The following HSPG2 variants were observed in gnomAD, a reference collection of about 807,000 sequenced individuals.
The protein encoded by HSPG2 is basement membrane-specific heparan sulfate proteoglycan core protein.
Under a neutral mutation model 526.6 loss-of-function variants are expected in HSPG2, and 278 were observed. The ratio of observed to expected loss-of-function variants is 0.53; its 90% CI spans 0.48 to 0.58. The LOEUF is 0.58. HSPG2 is among the 20% of genes least tolerant of loss of function. HSPG2 has a pLI of 0.00. For missense variants in HSPG2, 5,354 were observed against 6,099.5 expected (o/e 0.88, Z 4.07); for synonymous variants, 2,465 against 2,555.4 (o/e 0.96, Z 1.07).
At chr1:21,933,087 G>A (rs1351153666) in intron 1 of HSPG2, among the ~76,000 whole-genome samples, 2 of 151,490 alleles carry the variant, frequency 1.3e-5, no homozygotes, top group Non-Finnish European at 2.9e-5. Flanking sequence ...AGGTGTAGAG[G>A]AGGGTGTCTG....
chr1:21,849,496 G>C (rs983176257), intron 57 of HSPG2, among the ~76,000 whole-genome samples: 1 of 152,178 alleles, frequency 6.6e-6, no homozygotes, highest in African/African-American at 2.4e-5. Context: ...ACACATTTCA[G>C]TGTCTCCAAA....
intron 1 of HSPG2, among the ~76,000 whole-genome samples, chr1:21,927,765 T>C (rs1245100230): frequency 6.6e-6 from 1 of 152,092 alleles, no homozygotes; most frequent in Non-Finnish European, 1.5e-5. Context: ...GTCCTACAGC[T>C]GCGGCCTCGG....
chr1:21,934,368 C>T (rs896215356), intron 1 of HSPG2, among the ~76,000 whole-genome samples: 16 of 152,226 alleles, frequency 1.1e-4, no homozygotes, highest in Admixed American at 5.9e-4. Flanking sequence ...CAACAAACTC[C>T]TCAACCCCAT....
chr1:21,931,049 A>G (rs553146622), intron 1 of HSPG2, among the ~76,000 whole-genome samples: 7 of 152,264 alleles, frequency 4.6e-5, no homozygotes, highest in African/African-American at 1.7e-4. Context: ...GGATGCTCTG[A>G]GGTTCCTGCA....
At chr1:21,855,495 G>A (rs1461122528) in intron 46 of HSPG2, 28 bp downstream of exon 46, 14 of 1,611,444 alleles carry the variant, frequency 8.7e-6, no homozygotes, top group African/African-American at 8.0e-5. Context: ...GCACACTCCC[G>A]GCCCCCACCC....
At chr1:21,911,300 C>T (rs1643671756) in intron 1 of HSPG2, among the ~76,000 whole-genome samples, 2 of 152,180 alleles carry the variant, frequency 1.3e-5, no homozygotes, top group Middle Eastern at 3.2e-3. Flanking sequence ...GGCCCCAGAA[C>T]AAAGCTCCAC....
At chr1:21,888,681 G>A (rs777998368) in intron 6 of HSPG2, 30 of 1,364,976 alleles carry the variant, frequency 2.2e-5, no homozygotes, top group Admixed American at 5.7e-5. Context: ...GTGTCACTGC[G>A]ACCGCCACAG....
Position 21,904,610 on chromosome 1 carries a change from C to A in HSPG2, c.64-8300G>T, listed in dbSNP as rs539068825. Among the ~76,000 whole-genome samples, 1 of 152,356 alleles carries A rather than the reference C, an allele frequency of 6.6e-6. No homozygotes were observed. Among genetic ancestry groups the A allele is most frequent in the South Asian group, 2.1e-4 (1 of 4,820 alleles). On this transcript the variant is annotated intron_variant, in intron 1 of 96. Coordinates refer to ENST00000374695, the MANE Select transcript of HSPG2 (RefSeq NM_005529.7). This position sits in a 1 kb window ranked among gnomAD's most constrained non-coding sequence, Gnocchi z 4.4. Reference sequence around the variant, plus strand: ...CCTGGTGGCTGAATGAGCTGCCTGCCAGCTTACAGGGAACCAGGAAGCCAC... The same window carrying A: ...CCTGGTGGCTGAATGAGCTGCCTGCAAGCTTACAGGGAACCAGGAAGCCAC...
intron 17 of HSPG2, among the ~76,000 whole-genome samples, chr1:21,879,710 G>C (rs1641355159): frequency 6.6e-6 from 1 of 152,066 alleles, no homozygotes; most frequent in African/African-American, 2.4e-5. Flanking sequence ...TGGAGTGCAG[G>C]GGCACGGTCT....
Position 21,873,016 on chromosome 1 carries a change from G to T in HSPG2, c.3869C>A (p.Ala1290Asp). ...QGSVSSQCDA[A>D]GQCQCKAQVE... ...ACTGACCTTGCACTGGCACTGACCA[G>T]CAGCATCACACTGGCTGCTGACGCT... Residue 1290 changes from alanine to aspartate, a missense_variant, in exon 31 of 97, where the codon GCT (alanine) becomes GAT (aspartate). By Grantham distance (126) the Ala-to-Asp change is moderately radical (BLOSUM62 -2). Coordinates refer to ENST00000374695, the MANE Select transcript of HSPG2 (RefSeq NM_005529.7). 1 of 1,609,956 alleles carries T rather than the reference G, an allele frequency of 6.2e-7. No homozygotes were observed.
At chr1:21,873,590 G>A (rs1232257421) in intron 29 of HSPG2, among the ~76,000 whole-genome samples, 166 bp from the exon 30 acceptor site, 2 of 152,186 alleles carry the variant, frequency 1.3e-5, no homozygotes, top group East Asian at 1.9e-4. Context: ...GCAGGGACGT[G>A]CCCTGGACCG....
Position 21,858,307 on chromosome 1 carries a change from C to T in HSPG2, c.5294-922G>A, listed in dbSNP as rs562131113. On this transcript the variant is annotated intron_variant, in intron 42 of 96. Coordinates refer to ENST00000374695, the MANE Select transcript of HSPG2 (RefSeq NM_005529.7). The surrounding 1 kb of genome is among the most constrained non-coding windows in gnomAD (Gnocchi z 4.2). ...TTCCCTCTGATTCCCATGATGCCCC[C>T]TGTCTCTTCCTGCCTCATGGCTGCA... Among the ~76,000 whole-genome samples, 1 of 152,334 alleles carries T rather than the reference C, an allele frequency of 6.6e-6. No individual in the cohort carries two copies. The highest frequency in any genetic ancestry group is 1.9e-4 in the East Asian group (1 of 5,176).
Position 21,824,125 on chromosome 1 carries a change from G to A in HSPG2, c.12895C>T (p.Leu4299=), listed in dbSNP as rs1282724948. The change falls in exon 95 of 97, where the codon CTG becomes TTG. Residue 4299 remains leucine (L), a synonymous_variant. Coordinates refer to ENST00000374695, the MANE Select transcript of HSPG2 (RefSeq NM_005529.7). This position sits in a 1 kb window ranked among gnomAD's most constrained non-coding sequence, Gnocchi z 5.9. ...GTGCCCGGCAGGGTCCCTTACCGCA[G>A]TGCTGTCACCCGGTGCCACTCGCCG... ...NDGEWHRVTA[L]REGRRGSIQV... 1.2e-6 allele frequency: 2 copies of A among 1,613,024 alleles called. No individual in the cohort carries two copies. Among genetic ancestry groups the A allele is most frequent in the Non-Finnish European group, 1.7e-6 (2 of 1,179,916 alleles).
rs970856044 is a variant in HSPG2, at chr1:21,874,639, C to G, written c.3505G>C (p.Glu1169Gln). 1 of 1,613,618 alleles carries G rather than the reference C, an allele frequency of 6.2e-7. No individual in the cohort carries two copies. Among genetic ancestry groups the G allele is most frequent in the African/African-American group, 1.3e-5 (1 of 74,922 alleles). Residue 1169 changes from glutamate (E) to glutamine (Q), a missense_variant, in exon 27 of 97, where the codon GAG becomes CAG. Coordinates refer to ENST00000374695, the MANE Select transcript of HSPG2 (RefSeq NM_005529.7). The stretch of plus-strand genomic sequence containing the variant: ...ACCTGGCAGGCACCTGTTTCTGGCT[C>G]GCAGGCCTCTGAGTGGCCATGGCAG... ...CSCHGHSEAC[E>Q]PETGACQGCQ...
chr1:21,827,500 T>C (rs1161080019), intron 91 of HSPG2, among the ~76,000 whole-genome samples: 3 of 152,234 alleles, frequency 2.0e-5, no homozygotes, highest in Non-Finnish European at 4.4e-5. Flanking sequence ...CAGCATTCAC[T>C]CTTCACTGTT....
chr1:21,876,486 C>A (rs572575661), intron 22 of HSPG2, 26 bp downstream of exon 22: 2 of 1,613,646 alleles, frequency 1.2e-6, no homozygotes, highest in Admixed American at 3.3e-5. Flanking sequence ...GCTTGGCGGT[C>A]CTGCCCGCCC....
At chr1:21,855,060 A>G (rs192270246) in intron 47 of HSPG2, 77 bp from the exon 48 acceptor site, 1 of 1,563,532 alleles carries the variant, frequency 6.4e-7, no homozygotes, top group African/African-American at 1.3e-5. Context: ...TAGGGCATAA[A>G]AGGGAGAGGC....
intron 1 of HSPG2, among the ~76,000 whole-genome samples, chr1:21,932,176 T>C (rs1176429977): frequency 6.6e-6 from 1 of 152,000 alleles, no homozygotes; most frequent in Non-Finnish European, 1.5e-5. Context: ...CTGATATTCC[T>C]TGCCTGAGGT....
At position 21,895,530 on chromosome 1, in the gene HSPG2, C is replaced by T. The variant is rs542825646; in HGVS notation, c.244+392G>A. 2.6e-5 allele frequency among the ~76,000 whole-genome samples: 4 copies of T among 152,292 alleles called. No individual in the cohort carries two copies. In the East Asian group the frequency reaches 7.7e-4, roughly 29 times the overall value. ...CCGATTCCACAGAGCCCCTCTGTTCCACTTGTCTTTGCCTGGGATCCCCAG... is the reference window on the plus strand; with the variant it reads ...CCGATTCCACAGAGCCCCTCTGTTCTACTTGTCTTTGCCTGGGATCCCCAG... On this transcript the variant is annotated intron_variant, in intron 3 of 96. Coordinates refer to ENST00000374695, the MANE Select transcript of HSPG2 (RefSeq NM_005529.7). This position sits in a 1 kb window ranked among gnomAD's most constrained non-coding sequence, Gnocchi z 4.1.
Sources: gnomAD v4.1 joint callset for allele counts (sites outside exome capture counted in the v4.1 genomes callset) on GRCh38, gnomAD v4.1.1 for gene constraint, Gnocchi (gnomAD v3.1) non-coding constraint, MANE v1.5 for transcripts, NCBI Gene and HGNC (gene_info 2026-07-23, HGNC 2026-07-21) for gene names.